The following ADAMTSL3 variants were observed in gnomAD, a reference collection of about 807,000 sequenced individuals.
ADAMTSL3 encodes the protein ADAMTS like 3.
In ADAMTSL3, 128 loss-of-function variants were observed where a neutral mutation model predicts 201.7. The observed-to-expected ratio is 0.63, with a 90% CI of 0.55 to 0.73. The LOEUF is 0.73. Ranked by LOEUF, ADAMTSL3 falls within the 30% of genes least tolerant of loss-of-function variation. ADAMTSL3 has a pLI of 0.00. For synonymous variants in ADAMTSL3, 738 were observed against 748.4 expected (o/e 0.99, Z 0.23); for missense variants, 1,990 against 2,119.6 (o/e 0.94, Z 1.20).
At chr15:83,739,776 T>TC in intron 3 of ADAMTSL3, 1 of 543,790 alleles carries the variant, frequency 1.8e-6, no homozygotes, top group Non-Finnish European at 3.6e-6. Flanking sequence ...GCCCTAGAAG[T>TC]CCCCATCATG....
chr15:83,773,441 G>A, intron 3 of ADAMTSL3, 82 bp from the exon 4 acceptor site: 2 of 1,469,390 alleles, frequency 1.4e-6, no homozygotes, highest in Non-Finnish European at 1.9e-6. Context: ...AATAACTGGG[G>A]AAGATTTGGG....
chr15:83,851,070 G>T (rs912618514), intron 7 of ADAMTSL3, among the ~76,000 whole-genome samples: 1 of 152,140 alleles, frequency 6.6e-6, no homozygotes, highest in Non-Finnish European at 1.5e-5. Flanking sequence ...AATTTCTATG[G>T]GTGGAGCAGG....
intron 22 of ADAMTSL3, among the ~76,000 whole-genome samples, chr15:83,990,454 T>C (rs2067562065): frequency 6.6e-6 from 1 of 152,252 alleles, no homozygotes; most frequent in Non-Finnish European, 1.5e-5. Context: ...TCTCATCTTG[T>C]ACCCAGGTAT....
chr15:83,954,666 C>G (rs942147527), intron 19 of ADAMTSL3, among the ~76,000 whole-genome samples: 8 of 152,128 alleles, frequency 5.3e-5, no homozygotes, highest in Admixed American at 1.3e-4. Context: ...GAAGCCTTTC[C>G]AAGTATTCAA....
At chr15:83,897,746 C>G in intron 13 of ADAMTSL3, 112 bp from the exon 14 acceptor site, 1 of 1,235,136 alleles carries the variant, frequency 8.1e-7, no homozygotes, top group Non-Finnish European at 1.1e-6. Flanking sequence ...GTCTAAAAGT[C>G]TTTTGTGTTT....
chr15:83,739,869 G>A (rs1046608661), intron 3 of ADAMTSL3: 2 of 600,626 alleles, frequency 3.3e-6, no homozygotes, highest in African/African-American at 1.9e-5. Context: ...CTGGAACACA[G>A]CATCCTGCCT....
chr15:83,668,103 A>G (rs1210470371), intron 2 of ADAMTSL3, among the ~76,000 whole-genome samples: 3 of 152,124 alleles, frequency 2.0e-5, no homozygotes, highest in Non-Finnish European at 4.4e-5. Context: ...AACAACAAAA[A>G]TAAGTGCCAT....
intron 17 of ADAMTSL3, among the ~76,000 whole-genome samples, chr15:83,935,935 G>T: frequency 6.6e-6 from 1 of 152,004 alleles, no homozygotes; most frequent in East Asian, 1.9e-4. Flanking sequence ...CTAATATTAT[G>T]TTAAGTATTC....
At chr15:83,817,286 T>G in intron 5 of ADAMTSL3, among the ~76,000 whole-genome samples, 1 of 152,236 alleles carries the variant, frequency 6.6e-6, no homozygotes, top group Non-Finnish European at 1.5e-5. Flanking sequence ...AAATCTTGGC[T>G]GATAATTTAT....
intron 9 of ADAMTSL3, among the ~76,000 whole-genome samples, chr15:83,871,195 T>C (rs2065074874): frequency 6.6e-6 from 1 of 152,168 alleles, no homozygotes; most frequent in Non-Finnish European, 1.5e-5. Context: ...AAGGATTGAT[T>C]CTGTATTTAT....
At chr15:83,726,284 G>GT (rs1286011956) in intron 3 of ADAMTSL3, among the ~76,000 whole-genome samples, 7 of 152,076 alleles carry the variant, frequency 4.6e-5, no homozygotes, top group Middle Eastern at 3.4e-3. Flanking sequence ...AGTTCTAATA[G>GT]TTTTTTTGTG....
chr15:83,901,743 T>TA (rs111620884), intron 15 of ADAMTSL3, among the ~76,000 whole-genome samples: 18,586 of 152,144 alleles, frequency 0.12, 1,301 homozygotes, highest in East Asian at 0.35. Flanking sequence ...AGGAAGGCAT[T>TA]AGGCTAAATG....
At chr15:83,970,783 A>G in intron 20 of ADAMTSL3, 146 bp downstream of exon 20, 1 of 1,029,354 alleles carries the variant, frequency 9.7e-7, no homozygotes, top group Middle Eastern at 2.1e-4. Context: ...GGCAGCGATC[A>G]GTAGAACGTG....
intron 3 of ADAMTSL3, among the ~76,000 whole-genome samples, chr15:83,759,674 C>T (rs575654930): frequency 1.3e-5 from 2 of 152,216 alleles, no homozygotes; most frequent in South Asian, 2.1e-4. Flanking sequence ...AAGTGGAAGA[C>T]AGGAAGGAGC....
At chr15:83,885,328 C>T (rs191621313) in intron 10 of ADAMTSL3, 116 bp downstream of exon 10, 1 of 768,074 alleles carries the variant, frequency 1.3e-6, no homozygotes, top group Non-Finnish European at 2.2e-6. Flanking sequence ...TCTCATCACA[C>T]AGCACCTTAC....
rs11856213 is a variant in ADAMTSL3, at chr15:83,804,411, T to C, written c.318-239T>C. ...CCCTTGGGTAAGAATTGCATGTGAGTACTACTATTAACTAAAGAATTCATT... is the reference window on the plus strand; with the variant it reads ...CCCTTGGGTAAGAATTGCATGTGAGCACTACTATTAACTAAAGAATTCATT... On this transcript the variant is annotated intron_variant, in intron 4 of 29. Transcript: ENST00000286744. 0.28 allele frequency among the ~76,000 whole-genome samples: 43,123 copies of C among 151,958 alleles called. 6,388 individuals are homozygous for C. Among genetic ancestry groups the C allele is most frequent in the South Asian group, 0.57 (2,708 of 4,792 alleles).
At chr15:83,694,148 A>G (rs2061649182) in intron 2 of ADAMTSL3, 1 of 152,136 alleles carries the variant, frequency 6.6e-6, no homozygotes, top group African/African-American at 2.4e-5. Flanking sequence ...CGTGGAAGCG[A>G]TTTTTGGGAA....
chr15:83,917,472 T>G (rs1385485099), intron 16 of ADAMTSL3, among the ~76,000 whole-genome samples: 2 of 152,206 alleles, frequency 1.3e-5, no homozygotes, highest in Non-Finnish European at 2.9e-5. Flanking sequence ...TATGTATGCA[T>G]GTACTCATGC....
At chr15:83,992,966 T>G (rs1043330868) in intron 23 of ADAMTSL3, among the ~76,000 whole-genome samples, 1 of 152,234 alleles carries the variant, frequency 6.6e-6, no homozygotes. Flanking sequence ...AATTGTCCCA[T>G]TTGGCCTTTC....
Sources: gnomAD v4.1 joint callset for allele counts (sites outside exome capture counted in the v4.1 genomes callset) on GRCh38, gnomAD v4.1.1 for gene constraint, MANE v1.5 for transcripts, NCBI Gene and HGNC (gene_info 2026-07-23, HGNC 2026-07-21) for gene names.